The following ZBTB22 variants were observed in gnomAD, a reference collection of about 807,000 sequenced individuals.
ZBTB22 encodes zinc finger and BTB domain containing 22, also known as zinc finger and BTB domain-containing protein 22.
For missense variants in ZBTB22, 668 were observed against 834.1 expected (o/e 0.80, Z 2.45); for synonymous variants, 356 against 347.3 (o/e 1.03, Z -0.28).
intron 1 of ZBTB22, among the ~76,000 whole-genome samples, 164 bp downstream of exon 1, chr6:33,317,489 A>T: frequency 1.7e-4 from 1 of 5,940 alleles, no homozygotes. Context: ...GCCCCTTTCC[A>T]GGCCCACCCC....
chr6:33,317,098 T>C, intron 1 of ZBTB22, 113 bp from the exon 2 acceptor site: 3 of 695,104 alleles, frequency 4.3e-6, no homozygotes, highest in South Asian at 2.1e-5. Flanking sequence ...AACAGTGAGG[T>C]AGGTATTCCT....
intron 1 of ZBTB22, among the ~76,000 whole-genome samples, 199 bp downstream of exon 1, chr6:33,317,454 C>A (rs1381506263): frequency 6.7e-6 from 1 of 150,050 alleles, no homozygotes; most frequent in Admixed American, 6.6e-5. Context: ...ACCACGCCCC[C>A]TTTCGCCCCA....
At position 33,314,724 on chromosome 6, in the gene ZBTB22, C is replaced by G. The variant is rs1769690185; in HGVS notation, c.*288G>C. 4 of 459,738 alleles carry G rather than the reference C, an allele frequency of 8.7e-6. No individual in the cohort carries two copies. In the East Asian group the frequency reaches 1.4e-4, roughly 16 times the overall value. 28.5% of individuals were successfully genotyped at this position (459,738 alleles called of 1,614,324 possible). ...GACTGCAGGATGTTCAACACGCCCC[C>G]TCTCCCTCCCTCCATGTGCAATCTA... On this transcript the variant is annotated 3_prime_UTR_variant, in exon 2 of 2. Transcript: ENST00000431845.
rs1581765414 is a variant in ZBTB22, at chr6:33,315,517, G to A, written c.1400C>T (p.Pro467Leu). The change falls in exon 2 of 2, where the codon CCG becomes CTG. Residue 467 changes from proline to leucine, a missense_variant. By Grantham distance (98) the Pro-to-Leu change is moderately conservative. Transcript: ENST00000431845. The surrounding 1 kb of genome is among the most constrained non-coding windows in gnomAD (Gnocchi z 5.4). The stretch of plus-strand genomic sequence containing the variant: ...TCCAGGGACCCCACCAACGCTACCC[G>A]GCACACCCAGGCTCCCCACCGACGT... The part of the protein sequence containing the change: ...GGTSVGSLGV[P>L]GSVGGVPGGT... The A allele has an allele frequency of 2.5e-6, 4 of 1,613,740 alleles. No homozygotes were observed. The highest frequency in any genetic ancestry group is 2.5e-6 in the Non-Finnish European group (3 of 1,179,944).
chr6:33,315,717 CCCT>C lies in ZBTB22; in HGVS notation c.1197_1199del (p.Gly401del). 6.2e-7 allele frequency: 1 copy of C among 1,612,508 alleles called. No homozygotes were observed. The highest frequency in any genetic ancestry group is 8.5e-7 in the Non-Finnish European group (1 of 1,179,158). On this transcript the variant is annotated inframe_deletion, in exon 2 of 2. Transcript: ENST00000431845. The surrounding 1 kb of genome is among the most constrained non-coding windows in gnomAD (Gnocchi z 5.4). ...GGGCATAGGAAGAGGGAGTTGGCCC[CCCT>C]GAGTCATCAAGACCTGCCACAGGAC...
chr6:33,314,824 G>C lies in ZBTB22; in HGVS notation c.*188C>G. On this transcript the variant is annotated 3_prime_UTR_variant, in exon 2 of 2. Transcript: ENST00000431845. ...TTAGTTCTGGAAATACCTTGGGGGGGAGGGGTTGAGTAGTAGAATGGGCGG... is the reference window on the plus strand; with the variant it reads ...TTAGTTCTGGAAATACCTTGGGGGGCAGGGGTTGAGTAGTAGAATGGGCGG... 1 of 1,150,808 alleles carries C rather than the reference G, an allele frequency of 8.7e-7. No individual in the cohort carries two copies. The highest frequency in any genetic ancestry group is 1.2e-6 in the Non-Finnish European group (1 of 854,742). The allele number at this position is 1,150,808 out of a possible 1,614,324, so 71.3% of individuals were successfully genotyped here.
chr6:33,316,811 A>C lies in ZBTB22; in HGVS notation c.106T>G (p.Phe36Val). The C allele has an allele frequency of 6.2e-7, 1 of 1,614,126 alleles. No homozygotes were observed. Among genetic ancestry groups the C allele is most frequent in the Non-Finnish European group, 8.5e-7 (1 of 1,180,020 alleles). ...AAGAGGGCACTGGTCACCTCAGGGA[A>C]GGACACATGTACCACTGCAGCTGCT... ...LPAAAVVHVS[F>V]PEVTSALLES... The change falls in exon 2 of 2, where the codon TTC becomes GTC. Residue 36 changes from phenylalanine to valine, a missense_variant. Phe to Val is a conservative substitution (Grantham distance 50). Coordinates refer to ENST00000431845, the MANE Select transcript of ZBTB22 (RefSeq NM_005453.5). The surrounding 1 kb of genome is among the most constrained non-coding windows in gnomAD (Gnocchi z 7.2).
chr6:33,314,743 C>T lies in ZBTB22; in HGVS notation c.*269G>A. The T allele has an allele frequency of 1.9e-6, 1 of 525,158 alleles. No individual in the cohort carries two copies. The highest frequency in any genetic ancestry group is 3.3e-5 in the East Asian group (1 of 30,236). The allele number at this position is 525,158 out of a possible 1,614,324, so 32.5% of individuals were successfully genotyped here. ...CGCCCCCTCTCCCTCCCTCCATGTG[C>T]AATCTACTCTGTGGAGCAGGGGCTT... On this transcript the variant is annotated 3_prime_UTR_variant, in exon 2 of 2. Coordinates refer to ENST00000431845, the MANE Select transcript of ZBTB22 (RefSeq NM_005453.5).
At position 33,316,660 on chromosome 6, in the gene ZBTB22, A is replaced by T; in HGVS notation, c.257T>A (p.Val86Asp). 1 of 1,614,128 alleles carries T rather than the reference A, an allele frequency of 6.2e-7. No individual in the cohort carries two copies. Among genetic ancestry groups the T allele is most frequent in the African/African-American group, 1.3e-5 (1 of 75,008 alleles). Reference protein sequence around the residue: ...AASSPYFHDQVLLKGMTSISL... With the variant: ...AASSPYFHDQDLLKGMTSISL... The stretch of plus-strand genomic sequence containing the variant: ...GATGGAGGTCATGCCTTTGAGTAGG[A>T]CCTGATCATGGAAGTAAGGGGAGGA... Residue 86 changes from valine (V) to aspartate (D), a missense_variant, in exon 2 of 2, where the codon GTC becomes GAC. By Grantham distance (152) the Val-to-Asp change is radical (BLOSUM62 -3). Transcript: ENST00000431845. This position sits in a 1 kb window ranked among gnomAD's most constrained non-coding sequence, Gnocchi z 7.2.
chr6:33,315,405 C>T lies in ZBTB22; in HGVS notation c.1512G>A (p.Val504=). 1 of 1,614,214 alleles carries T rather than the reference C, an allele frequency of 6.2e-7. No homozygotes were observed. Among genetic ancestry groups the T allele is most frequent in the Non-Finnish European group, 8.5e-7 (1 of 1,180,036 alleles). Residue 504 remains valine (V), a synonymous_variant, in exon 2 of 2, where the codon GTG becomes GTA. Coordinates refer to ENST00000431845, the MANE Select transcript of ZBTB22 (RefSeq NM_005453.5). The surrounding 1 kb of genome is among the most constrained non-coding windows in gnomAD (Gnocchi z 5.4). The stretch of plus-strand genomic sequence containing the variant: ...ACGGCCGCAGATTGAGGTGCATGTT[C>T]ACGTGCCGGTCCCGCATGCTCTTGT... The part of the protein sequence containing the change: ...FSHKSMRDRH[V]NMHLNLRPFD...
At position 33,316,444 on chromosome 6, in the gene ZBTB22, A is replaced by G; in HGVS notation, c.473T>C (p.Ile158Thr). ...GACAGAGGTGGCTGCAGCAGTAGTG[A>G]TGGTGGTGGTAGCTGAGGCCCGGCC... is the stretch of plus-strand genomic sequence containing the variant. ...REGRASATTT[I>T]TTAAATSVTV... Residue 158 changes from isoleucine to threonine, a missense_variant, in exon 2 of 2, where the codon ATC becomes ACC. Coordinates refer to ENST00000431845, the MANE Select transcript of ZBTB22 (RefSeq NM_005453.5). This position sits in a 1 kb window ranked among gnomAD's most constrained non-coding sequence, Gnocchi z 7.2. 3 of 1,614,080 alleles carry G rather than the reference A, an allele frequency of 1.9e-6. No individual in the cohort carries two copies. Among genetic ancestry groups the G allele is most frequent in the Non-Finnish European group, 2.5e-6 (3 of 1,180,020 alleles).
In ZBTB22 at chr6:33,316,205, C is replaced by A. The variant is rs113818046; in HGVS notation, c.712G>T (p.Gly238Cys). The change falls in exon 2 of 2, where the codon GGT becomes TGT. Residue 238 changes from glycine to cysteine, a missense_variant. By Grantham distance (159) the Gly-to-Cys change is radical. Transcript: ENST00000431845. The surrounding 1 kb of genome is among the most constrained non-coding windows in gnomAD (Gnocchi z 7.2). ...SAVGSGERRG[G>C]GPVFPAPVVG... ...ACAGGGGCTGGGAATACAGGGCCACCTCCTCGACGCTCCCCACTGCCCACT... is the reference window on the plus strand; with the variant it reads ...ACAGGGGCTGGGAATACAGGGCCACATCCTCGACGCTCCCCACTGCCCACT... The A allele has an allele frequency of 1.7e-5, 27 of 1,614,100 alleles. No individual in the cohort carries two copies. Among genetic ancestry groups the A allele is most frequent in the Non-Finnish European group, 2.1e-5 (25 of 1,180,024 alleles).
At position 33,315,484 on chromosome 6, in the gene ZBTB22, C is replaced by T. The variant is rs199756811; in HGVS notation, c.1433G>A (p.Gly478Asp). The change falls in exon 2 of 2, where the codon GGC (glycine) becomes GAC (aspartate). Residue 478 changes from glycine to aspartate, a missense_variant. Coordinates refer to ENST00000431845, the MANE Select transcript of ZBTB22 (RefSeq NM_005453.5). The surrounding 1 kb of genome is among the most constrained non-coding windows in gnomAD (Gnocchi z 5.4). Reference sequence around the variant, plus strand: ...AAAGATCTTATTCCCGTCCCCACTGCCAGTCCCTCCAGGGACCCCACCAAC... The same window carrying T: ...AAAGATCTTATTCCCGTCCCCACTGTCAGTCCCTCCAGGGACCCCACCAAC... ...GSVGGVPGGT[G>D]SGDGNKIFLC... The T allele has an allele frequency of 1.9e-6, 3 of 1,614,104 alleles. No individual in the cohort carries two copies. The highest frequency in any genetic ancestry group is 8.5e-7 in the Non-Finnish European group (1 of 1,180,024).
In ZBTB22 at chr6:33,314,746, T is replaced by C. The variant is rs1203204460; in HGVS notation, c.*266A>G. The C allele has an allele frequency of 9.3e-6, 5 of 537,904 alleles. No individual in the cohort carries two copies. The highest frequency in any genetic ancestry group is 1.2e-5 in the Non-Finnish European group (4 of 332,558). 33.3% of individuals were successfully genotyped at this position (537,904 alleles called of 1,614,324 possible). A position where few individuals can be genotyped will look rare whatever the true frequency, so the allele number is the denominator to read the frequency against. ...CCCCTCTCCCTCCCTCCATGTGCAATCTACTCTGTGGAGCAGGGGCTTCAG... is the reference window on the plus strand; with the variant it reads ...CCCCTCTCCCTCCCTCCATGTGCAACCTACTCTGTGGAGCAGGGGCTTCAG... On this transcript the variant is annotated 3_prime_UTR_variant, in exon 2 of 2. Coordinates refer to ENST00000431845, the MANE Select transcript of ZBTB22 (RefSeq NM_005453.5).
In ZBTB22 at chr6:33,316,802, C is replaced by T. The variant is rs563554175; in HGVS notation, c.115G>A (p.Val39Met). 6.8e-6 allele frequency: 11 copies of T among 1,614,104 alleles called. No homozygotes were observed. In the Admixed American group the frequency reaches 1.2e-4, roughly 17 times the overall value. ...AAVVHVSFPE[V>M]TSALLESLNQ... ...AGGGACTCCAAGAGGGCACTGGTCACCTCAGGGAAGGACACATGTACCACT... is the reference window on the plus strand; with the variant it reads ...AGGGACTCCAAGAGGGCACTGGTCATCTCAGGGAAGGACACATGTACCACT... Residue 39 changes from valine to methionine, a missense_variant, in exon 2 of 2, where the codon GTG (valine) becomes ATG (methionine). By Grantham distance (21) the Val-to-Met change is conservative. Coordinates refer to ENST00000431845, the MANE Select transcript of ZBTB22 (RefSeq NM_005453.5). This position sits in a 1 kb window ranked among gnomAD's most constrained non-coding sequence, Gnocchi z 7.2.
In ZBTB22 at chr6:33,316,426, G is replaced by A; in HGVS notation, c.491C>T (p.Thr164Ile). The change falls in exon 2 of 2, where the codon ACC (threonine) becomes ATC (isoleucine). Residue 164 changes from threonine to isoleucine, a missense_variant. Thr to Ile is a moderately conservative substitution (Grantham distance 89). Coordinates refer to ENST00000431845, the MANE Select transcript of ZBTB22 (RefSeq NM_005453.5). The surrounding 1 kb of genome is among the most constrained non-coding windows in gnomAD (Gnocchi z 7.2). ...ATTTITTAAATSVTVPGAGVP... is the reference protein window; with the variant it reads ...ATTTITTAAAISVTVPGAGVP... ...CCCAGCACCAGGGACAGTGACAGAG[G>A]TGGCTGCAGCAGTAGTGATGGTGGT... is the stretch of plus-strand genomic sequence containing the variant. 1.9e-6 allele frequency: 3 copies of A among 1,614,144 alleles called. No homozygotes were observed. Among genetic ancestry groups the A allele is most frequent in the South Asian group, 1.1e-5 (1 of 91,084 alleles).
rs1225707577 is a variant in ZBTB22, at chr6:33,316,901, G to A, written c.16C>T (p.Leu6=). MEPSP[L]SPSGAALPLP... ...GGAAGTGCTGCCCCACTGGGAGACA[G>A]AGGAGATGGCTCCATGTTGTGGAGG... Residue 6 remains leucine (L), a synonymous_variant, in exon 2 of 2, where the codon CTG becomes TTG. Coordinates refer to ENST00000431845, the MANE Select transcript of ZBTB22 (RefSeq NM_005453.5). The surrounding 1 kb of genome is among the most constrained non-coding windows in gnomAD (Gnocchi z 7.2). 1.2e-6 allele frequency: 2 copies of A among 1,603,928 alleles called. No homozygotes were observed. Among genetic ancestry groups the A allele is most frequent in the African/African-American group, 1.3e-5 (1 of 74,800 alleles).
In ZBTB22 at chr6:33,315,191, G is replaced by C. The variant is rs1300016710; in HGVS notation, c.1726C>G (p.Pro576Ala). 1.2e-6 allele frequency: 2 copies of C among 1,612,434 alleles called. No homozygotes were observed. Among genetic ancestry groups the C allele is most frequent in the Admixed American group, 1.7e-5 (1 of 59,922 alleles). ...RHRLGGVGAV[P>A]GPGTPTGPSL... ...GGCCCCGTGGGAGTCCCAGGCCCAG[G>C]TACGGCCCCGACCCCGCCCAGGCGG... Residue 576 changes from proline (P) to alanine (A), a missense_variant, in exon 2 of 2, where the codon CCT (proline) becomes GCT (alanine). Pro to Ala is a conservative substitution (Grantham distance 27). Transcript: ENST00000431845. The surrounding 1 kb of genome is among the most constrained non-coding windows in gnomAD (Gnocchi z 5.4).
upstream of ZBTB22, chr6:33,317,899 C>T (rs1296428032): frequency 1.3e-5 from 2 of 152,090 alleles, no homozygotes; most frequent in African/African-American, 4.8e-5. Flanking sequence ...AGGTCCCCTC[C>T]TCCGCTGGGA....
Sources: gnomAD v4.1 joint callset for allele counts (sites outside exome capture counted in the v4.1 genomes callset) on GRCh38, gnomAD v4.1.1 for gene constraint, Gnocchi (gnomAD v3.1) non-coding constraint, MANE v1.5 for transcripts, NCBI Gene and HGNC (gene_info 2026-07-23, HGNC 2026-07-21) for gene names.